Variants in DHX37 observed in about 807,000 individuals in gnomAD.
DHX37 encodes probable ATP-dependent RNA helicase DHX37.
Under a neutral mutation model 134.3 loss-of-function variants are expected in DHX37, and 52 were observed. The observed-to-expected ratio is 0.39, with a 90% CI of 0.31 to 0.49. The LOEUF is 0.49. Ranked by LOEUF, DHX37 falls within the 20% of genes least tolerant of loss-of-function variation. The probability of loss-of-function intolerance (pLI) is 0.93; values close to 1 mark genes in which losing one functional copy is unlikely to be tolerated. For synonymous variants in DHX37, 634 were observed against 670.7 expected (o/e 0.95, Z 0.85); for missense variants, 1,344 against 1,580.8 (o/e 0.85, Z 2.54).
At chr12:124,974,554 C>G in intron 6 of DHX37, among the ~76,000 whole-genome samples, 1 of 149,576 alleles carries the variant, frequency 6.7e-6, no homozygotes, top group Non-Finnish European at 1.5e-5. Context: ...CCAGGATGGG[C>G]CTGGCACACT....
chr12:124,981,501 C>A (rs188227655), intron 3 of DHX37, among the ~76,000 whole-genome samples: 452 of 152,270 alleles, frequency 3.0e-3, no homozygotes, highest in Admixed American at 4.6e-3. Context: ...GTGGTGCAAT[C>A]ACGGCTCACT....
chr12:124,977,047 A>G (rs77504475), intron 5 of DHX37, among the ~76,000 whole-genome samples: 1 of 148,150 alleles, frequency 6.7e-6, no homozygotes, highest in Non-Finnish European at 1.5e-5. Context: ...CGCTGTCTCA[A>G]AAAAAAAAAA....
intron 15 of DHX37, among the ~76,000 whole-genome samples, chr12:124,962,492 C>T (rs1391158322): frequency 6.6e-6 from 1 of 151,888 alleles, no homozygotes; most frequent in East Asian, 1.9e-4. Context: ...CCCATCTCTA[C>T]TAAAAATACA....
chr12:124,967,320 G>A, intron 10 of DHX37, 102 bp from the exon 11 acceptor site: 1 of 1,274,700 alleles, frequency 7.8e-7, no homozygotes, highest in Non-Finnish European at 1.1e-6. Flanking sequence ...AGGTTCCAGG[G>A]ATAATGGGGG....
rs6488965 is a variant in DHX37 at position 124,969,880 on chromosome 12, C to G, written c.1192-912G>C. Among the ~76,000 whole-genome samples the G allele has an allele frequency of 3.3e-5, 5 of 151,402 alleles. No homozygotes were observed. The South Asian group carries it at 6.3e-4, about 19-fold the overall frequency. On this transcript the variant is annotated intron_variant, in intron 8 of 26. Coordinates refer to ENST00000308736, the MANE Select transcript of DHX37 (RefSeq NM_032656.4). ...GGGTTGCAGTGAGCTGTGATTGCACCGCTGCACTCCAGCCTCAGTGACAAT... is the reference window on the plus strand; with the variant it reads ...GGGTTGCAGTGAGCTGTGATTGCACGGCTGCACTCCAGCCTCAGTGACAAT...
intron 3 of DHX37, among the ~76,000 whole-genome samples, chr12:124,981,831 C>T (rs540056704): frequency 1.8e-4 from 28 of 151,930 alleles, no homozygotes; most frequent in Non-Finnish European, 2.6e-4. Flanking sequence ...CCTTAAAAAA[C>T]GACACAAACC....
rs1341535977 is a variant in DHX37 at position 124,957,020 on chromosome 12, T to G, written c.2264+9A>C. On this transcript the variant is annotated intron_variant, in intron 17 of 26. Coordinates refer to ENST00000308736, the MANE Select transcript of DHX37 (RefSeq NM_032656.4). ...GGCAGGAACTGGGCTCTGCATCTCTTGGCCTTACCTTTCTGCTTTCTGGGG... is the reference window on the plus strand; with the variant it reads ...GGCAGGAACTGGGCTCTGCATCTCTGGGCCTTACCTTTCTGCTTTCTGGGG... The G allele has an allele frequency of 1.3e-6, 2 of 1,518,206 alleles. No individual in the cohort carries two copies. The highest frequency in any genetic ancestry group is 4.9e-5 in the East Asian group (2 of 40,748). 94.0% of individuals were successfully genotyped at this position (1,518,206 alleles called of 1,614,324 possible).
chr12:124,954,005 C>G lies in DHX37; in HGVS notation c.2579-9G>C, dbSNP rs776767613. ...ACAGGCTCCCACGGCGCCTGGGGAA[C>G]GAAGAGGGGGCATGCTCTCTCTCTG... is the stretch of plus-strand genomic sequence containing the variant. On this transcript the variant is annotated splice_polypyrimidine_tract_variant and intron_variant, in intron 19 of 26. Transcript: ENST00000308736. The G allele has an allele frequency of 6.2e-7, 1 of 1,613,574 alleles. No homozygotes were observed. The highest frequency in any genetic ancestry group is 8.5e-7 in the Non-Finnish European group (1 of 1,179,940).
At chr12:124,958,040 A>C (rs1954137190) in intron 16 of DHX37, among the ~76,000 whole-genome samples, 1 of 152,324 alleles carries the variant, frequency 6.6e-6, no homozygotes, top group Middle Eastern at 3.4e-3. Flanking sequence ...AAATGTCCCA[A>C]ACTGGCAAAT....
In DHX37 at chr12:124,980,138, A is replaced by T. The variant is rs1230476895; in HGVS notation, c.738+352T>A. Reference sequence around the variant, plus strand: ...CGGGAAGTGAGCTGGAGAGCAGGGGAATCAGCACTTGATTTCGGGTCAACT... The same window carrying T: ...CGGGAAGTGAGCTGGAGAGCAGGGGTATCAGCACTTGATTTCGGGTCAACT... On this transcript the variant is annotated intron_variant, in intron 4 of 26. Coordinates refer to ENST00000308736, the MANE Select transcript of DHX37 (RefSeq NM_032656.4). The surrounding 1 kb of genome is among the most constrained non-coding windows in gnomAD (Gnocchi z 5.3). Among the ~76,000 whole-genome samples the T allele has an allele frequency of 6.6e-6, 1 of 152,218 alleles. No individual in the cohort carries two copies. Among genetic ancestry groups the T allele is most frequent in the East Asian group, 1.9e-4 (1 of 5,184 alleles).
chr12:124,972,623 G>A (rs1418642432), intron 6 of DHX37, 24 bp from the exon 7 acceptor site: 2 of 1,612,492 alleles, frequency 1.2e-6, no homozygotes, highest in East Asian at 4.5e-5. Flanking sequence ...GTTCGGGTTA[G>A]GGCAGAGCCG....
At position 124,980,636 on chromosome 12, in the gene DHX37, G is replaced by A; in HGVS notation, c.592C>T (p.Pro198Ser). ...CTGGGTGCTGGAGCTGGCGGCAGAG[G>A]TGCCACGGTGGTCCCCACACCAGCC... ...AEAGVGTTVAPLPPAPAPSSQ... is the reference protein window; with the variant it reads ...AEAGVGTTVASLPPAPAPSSQ... Residue 198 changes from proline (P) to serine (S), a missense_variant, in exon 4 of 27, where the codon CCT becomes TCT. Pro to Ser is a moderately conservative substitution (Grantham distance 74). Transcript: ENST00000308736. The surrounding 1 kb of genome is among the most constrained non-coding windows in gnomAD (Gnocchi z 5.3). The A allele has an allele frequency of 1.9e-6, 3 of 1,606,896 alleles. No homozygotes were observed. The highest frequency in any genetic ancestry group is 2.5e-6 in the Non-Finnish European group (3 of 1,178,930).
At chr12:124,963,392 T>C (rs1954308186) in intron 15 of DHX37, among the ~76,000 whole-genome samples, 1 of 152,122 alleles carries the variant, frequency 6.6e-6, no homozygotes. Context: ...GTCACGGGGT[T>C]TCTTTTTGGG....
intron 18 of DHX37, among the ~76,000 whole-genome samples, chr12:124,954,694 G>C (rs370912449): frequency 1.3e-5 from 2 of 152,236 alleles, no homozygotes; most frequent in South Asian, 2.1e-4. Context: ...CACCGTGCCC[G>C]GCCACTGCAC....
intron 15 of DHX37, among the ~76,000 whole-genome samples, chr12:124,962,715 T>C (rs1271141616): frequency 6.6e-6 from 1 of 151,800 alleles, no homozygotes; most frequent in East Asian, 1.9e-4. Context: ...TGCATGCCTA[T>C]CATTCCAGCT....
intron 16 of DHX37, among the ~76,000 whole-genome samples, chr12:124,959,404 G>A (rs1954180005): frequency 1.3e-5 from 2 of 150,898 alleles, no homozygotes; most frequent in Admixed American, 6.6e-5. Context: ...TGTATTTTTA[G>A]TAGAGACGGG....
Position 124,989,044 on chromosome 12 carries a change from G to C in DHX37, c.-22C>G, listed in dbSNP as rs201712640. The C allele has an allele frequency of 4.5e-6, 6 of 1,331,704 alleles. No homozygotes were observed. The highest frequency in any genetic ancestry group is 5.8e-6 in the Non-Finnish European group (6 of 1,033,708). 82.5% of individuals were successfully genotyped at this position (1,331,704 alleles called of 1,614,324 possible). A position where few individuals can be genotyped will look rare whatever the true frequency, so the allele number is the denominator to read the frequency against. On this transcript the variant is annotated 5_prime_UTR_variant, in exon 1 of 27. Coordinates refer to ENST00000308736, the MANE Select transcript of DHX37 (RefSeq NM_032656.4). Reference sequence around the variant, plus strand: ...CCATGGCGACTAGGCCAGGGTGGGCGCTCCAGCGGCCGGACCAGCAGAGCA... The same window carrying C: ...CCATGGCGACTAGGCCAGGGTGGGCCCTCCAGCGGCCGGACCAGCAGAGCA...
At chr12:124,986,939 G>T (rs936116852) in intron 1 of DHX37, among the ~76,000 whole-genome samples, 2 of 151,850 alleles carry the variant, frequency 1.3e-5, no homozygotes, top group African/African-American at 4.8e-5. Flanking sequence ...TAGAGACGGG[G>T]TTTTACCATC....
chr12:124,955,655 A>C (rs1041349442), intron 18 of DHX37, among the ~76,000 whole-genome samples: 1 of 152,272 alleles, frequency 6.6e-6, no homozygotes. Context: ...GAAAAGATAC[A>C]GGACCATCTG....
Sources: gnomAD v4.1 joint callset for allele counts (sites outside exome capture counted in the v4.1 genomes callset) on GRCh38, gnomAD v4.1.1 for gene constraint, Gnocchi (gnomAD v3.1) non-coding constraint, MANE v1.5 for transcripts, NCBI Gene and HGNC (gene_info 2026-07-23, HGNC 2026-07-21) for gene names.